The following CTNNA3 variants were observed in gnomAD, a reference collection of about 807,000 sequenced individuals.
CTNNA3 encodes the protein catenin alpha-3.
In CTNNA3, 76 loss-of-function variants were observed where a neutral mutation model predicts 95.7. The observed-to-expected ratio is 0.79, with a 90% confidence interval of 0.66 to 0.96. CTNNA3 has a LOEUF of 0.96. CTNNA3 is among the 40% of genes least tolerant of loss of function. CTNNA3 has a pLI of 0.00. For missense variants in CTNNA3, 1,191 were observed against 1,089.8 expected, an observed-to-expected ratio of 1.09 and a Z score of -1.31; for synonymous variants, 431 against 374.4, an observed-to-expected ratio of 1.15 and a Z score of -1.74.
chr10:66,036,611 G>A (rs1043280259), intron 15 of CTNNA3, among the ~76,000 whole-genome samples: 8 of 151,868 alleles, frequency 5.3e-5, no homozygotes, highest in Admixed American at 4.6e-4. Flanking sequence ...CCTGGCCTCA[G>A]GTGATCCACC....
chr10:66,369,116 T>C (rs948156053), intron 12 of CTNNA3, among the ~76,000 whole-genome samples: 3 of 152,276 alleles, frequency 2.0e-5, no homozygotes, highest in Middle Eastern at 3.4e-3. Context: ...GGGTTACTAA[T>C]ACATTTCAGG....
chr10:66,678,685 G>A (rs180678485), intron 9 of CTNNA3, among the ~76,000 whole-genome samples: 1 of 152,248 alleles, frequency 6.6e-6, no homozygotes, highest in African/African-American at 2.4e-5. Flanking sequence ...AAGAGGCTTA[G>A]TCAGCTCACT....
intron 17 of CTNNA3, among the ~76,000 whole-genome samples, chr10:65,953,853 C>A (rs899695798): frequency 9.2e-5 from 14 of 152,154 alleles, no homozygotes; most frequent in African/African-American, 3.1e-4. Context: ...CATATGTGTG[C>A]ATGTGTCTTT....
intron 7 of CTNNA3, among the ~76,000 whole-genome samples, chr10:67,025,546 G>T (rs1250404403): frequency 2.6e-5 from 4 of 152,030 alleles, no homozygotes; most frequent in African/African-American, 7.2e-5. Context: ...AATGTATTTT[G>T]CATCTTGTTA....
intron 5 of CTNNA3, among the ~76,000 whole-genome samples, chr10:67,499,358 C>A (rs1282989454): frequency 2.0e-5 from 3 of 152,110 alleles, no homozygotes; most frequent in Non-Finnish European, 4.4e-5. Context: ...AGGATTTTTG[C>A]ATTGATATTC....
intron 7 of CTNNA3, among the ~76,000 whole-genome samples, chr10:66,920,094 C>A (rs1472145036): frequency 6.6e-6 from 1 of 152,100 alleles, no homozygotes; most frequent in African/African-American, 2.4e-5. Flanking sequence ...ATGTTCATGA[C>A]CCTTGATAAC....
chr10:66,883,300 C>T (rs1038811149), intron 7 of CTNNA3, among the ~76,000 whole-genome samples: 2 of 152,014 alleles, frequency 1.3e-5, no homozygotes, highest in African/African-American at 4.8e-5. Flanking sequence ...AGCCTCAGGG[C>T]AGAGATCATG....
chr10:66,444,903 A>G (rs2093407000), intron 11 of CTNNA3, among the ~76,000 whole-genome samples: 1 of 152,134 alleles, frequency 6.6e-6, no homozygotes, highest in Non-Finnish European at 1.5e-5. Flanking sequence ...GTCAAGACCC[A>G]TCAGTGTGCT....
At chr10:67,563,695 G>T (rs1444793184) in intron 3 of CTNNA3, among the ~76,000 whole-genome samples, 3 of 152,096 alleles carry the variant, frequency 2.0e-5, no homozygotes, top group Non-Finnish European at 4.4e-5. Flanking sequence ...TACCATCAGA[G>T]TGAACAGGCA....
chr10:67,601,823 C>T (rs1843092287), intron 3 of CTNNA3, among the ~76,000 whole-genome samples: 1 of 152,186 alleles, frequency 6.6e-6, no homozygotes. Context: ...TGAATCTCTA[C>T]ACTTCTACCC....
chr10:66,697,258 A>C (rs911103890), intron 9 of CTNNA3, among the ~76,000 whole-genome samples: 1 of 149,396 alleles, frequency 6.7e-6, no homozygotes, highest in Admixed American at 6.7e-5. Context: ...ATATATCTAT[A>C]TATATATAGA....
chr10:66,312,611 A>C (rs1021626605), intron 12 of CTNNA3, among the ~76,000 whole-genome samples: 3 of 151,574 alleles, frequency 2.0e-5, no homozygotes, highest in Non-Finnish European at 4.4e-5. Context: ...CAATGGCATG[A>C]TATCAACTTA....
At chr10:66,450,016 T>C (rs1564975910) in intron 11 of CTNNA3, among the ~76,000 whole-genome samples, 1 of 151,872 alleles carries the variant, frequency 6.6e-6, no homozygotes, top group Non-Finnish European at 1.5e-5. Flanking sequence ...CATAATTTTT[T>C]TTGAGGTAAT....
At chr10:66,411,333 G>A (rs1463872902) in intron 11 of CTNNA3, among the ~76,000 whole-genome samples, 1 of 151,978 alleles carries the variant, frequency 6.6e-6, no homozygotes, top group Non-Finnish European at 1.5e-5. Context: ...GAGCTATTCA[G>A]TATACTCCTT....
intron 5 of CTNNA3, among the ~76,000 whole-genome samples, chr10:67,397,014 T>C (rs10997631): frequency 0.19 from 29,632 of 152,056 alleles, 4,281 homozygotes; most frequent in African/African-American, 0.39. Context: ...TACCCAGTCT[T>C]ACATATGTCT....
At chr10:66,365,993 C>G (rs935679026) in intron 12 of CTNNA3, among the ~76,000 whole-genome samples, 4 of 152,172 alleles carry the variant, frequency 2.6e-5, no homozygotes, top group Non-Finnish European at 5.9e-5. Context: ...ACCAACACCA[C>G]CTAGCTTAGC....
At chr10:66,163,401 C>T (rs2084954902) in intron 13 of CTNNA3, among the ~76,000 whole-genome samples, 1 of 152,080 alleles carries the variant, frequency 6.6e-6, no homozygotes, top group Non-Finnish European at 1.5e-5. Context: ...CTTTCTCTAC[C>T]CCTGTATTTC....
At chr10:67,553,866 C>T (rs1841124761) in intron 3 of CTNNA3, among the ~76,000 whole-genome samples, 1 of 151,926 alleles carries the variant, frequency 6.6e-6, no homozygotes, top group African/African-American at 2.4e-5. Flanking sequence ...CCCATTAACT[C>T]ATCATTTACA....
chr10:67,058,429 C>A (rs986883548), intron 7 of CTNNA3, among the ~76,000 whole-genome samples: 1 of 152,146 alleles, frequency 6.6e-6, no homozygotes, highest in Admixed American at 6.5e-5. Context: ...GGCTGTAAAT[C>A]ACTACTTTAA....
Sources: allele counts gnomAD v4.1 joint callset (sites outside exome capture counted in the v4.1 genomes callset), GRCh38; gene constraint gnomAD v4.1.1; transcripts MANE v1.5; gene names NCBI Gene and HGNC (gene_info 2026-07-23, HGNC 2026-07-21).